Variants in RASA1 observed in about 807,000 individuals in gnomAD.
The protein encoded by RASA1 is RAS p21 protein activator 1, also known as ras GTPase-activating protein 1.
Under a neutral mutation model 132.2 loss-of-function variants are expected in RASA1, and 25 were observed. That is an observed-to-expected ratio of 0.19 (90% CI 0.14 to 0.26). The LOEUF is 0.26. Among genes scored for constraint, RASA1 ranks in the 10% least tolerant of loss-of-function variants. The pLI, the probability that RASA1 is intolerant of heterozygous loss-of-function variation, is 1.00. For synonymous variants in RASA1, 477 were observed against 449.9 expected (o/e 1.06, Z -0.76); for missense variants, 964 against 1,299.2 (o/e 0.74, Z 3.97).
chr5:87,320,654 C>G (rs535506500), intron 1 of RASA1, among the ~76,000 whole-genome samples: 1 of 152,290 alleles, frequency 6.6e-6, no homozygotes, highest in East Asian at 1.9e-4. Context: ...GATTCAATCA[C>G]CTACCACCAG....
intron 1 of RASA1, among the ~76,000 whole-genome samples, chr5:87,304,594 A>G (rs1365802413): frequency 2.6e-5 from 4 of 151,816 alleles, no homozygotes; most frequent in Non-Finnish European, 5.9e-5. Context: ...CAGCCTCCCA[A>G]GTGGCTGGGA....
At position 87,389,547 on chromosome 5, in the gene RASA1, C is replaced by G; in HGVS notation, c.3060+20C>G. 1 of 1,612,700 alleles carries G rather than the reference C, an allele frequency of 6.2e-7. No homozygotes were observed. The highest frequency in any genetic ancestry group is 1.1e-5 in the South Asian group (1 of 91,048). On this transcript the variant is annotated intron_variant, in intron 24 of 24. Coordinates refer to ENST00000274376, the MANE Select transcript of RASA1 (RefSeq NM_002890.3). ...CAGCAGGTAGGCTTTCGCCAGCCTT[C>G]ATTAACAATGATGTTTCAAAGATAA...
At chr5:87,330,501 T>G (rs1415738617) in intron 1 of RASA1, among the ~76,000 whole-genome samples, 1 of 152,162 alleles carries the variant, frequency 6.6e-6, no homozygotes, top group Non-Finnish European at 1.5e-5. Flanking sequence ...CTATCAAATG[T>G]AAAAATATTT....
Position 87,331,419 on chromosome 5 carries a change from A to G in RASA1, c.611A>G (p.Tyr204Cys). The G allele has an allele frequency of 1.2e-6, 2 of 1,613,840 alleles. No individual in the cohort carries two copies. The highest frequency in any genetic ancestry group is 1.7e-6 in the Non-Finnish European group (2 of 1,179,762). ...AGGCAGGCAGGGAAGTCTGGCAGTTATCTTATAAGAGAGAGTGATCGGAGG... is the reference window on the plus strand; with the variant it reads ...AGGCAGGCAGGGAAGTCTGGCAGTTGTCTTATAAGAGAGAGTGATCGGAGG... ...RLRQAGKSGS[Y>C]LIRESDRRPG... The change falls in exon 2 of 25, where the codon TAT becomes TGT. Residue 204 changes from tyrosine to cysteine, a missense_variant. Tyr to Cys is a radical substitution (Grantham distance 194). Transcript: ENST00000274376.
chr5:87,338,880 C>T (rs1256743608), intron 5 of RASA1, among the ~76,000 whole-genome samples: 1 of 151,916 alleles, frequency 6.6e-6, no homozygotes, highest in Non-Finnish European at 1.5e-5. Flanking sequence ...TTTTGAATCT[C>T]GTCCTTGTTT....
chr5:87,322,794 T>C (rs1234319675), intron 1 of RASA1, among the ~76,000 whole-genome samples: 1 of 152,154 alleles, frequency 6.6e-6, no homozygotes, highest in Non-Finnish European at 1.5e-5. Flanking sequence ...AAAATATAGA[T>C]ATATAAACAC....
chr5:87,313,081 T>TC (rs1232621760), intron 1 of RASA1, among the ~76,000 whole-genome samples: 2 of 152,194 alleles, frequency 1.3e-5, no homozygotes, highest in Non-Finnish European at 2.9e-5. Flanking sequence ...TCTTTGAGTG[T>TC]CAACAAGTTG....
At chr5:87,343,921 T>C (rs1484164301) in intron 6 of RASA1, among the ~76,000 whole-genome samples, 1 of 152,094 alleles carries the variant, frequency 6.6e-6, no homozygotes, top group Non-Finnish European at 1.5e-5. Context: ...CACAGCAACA[T>C]GAATGGAACT....
rs540696741 is a variant in RASA1 at position 87,328,815 on chromosome 5, G to A, written c.540-2533G>A. ...TGTTTTTGAGTAAACCCAAGGACTG[G>A]TGTTTAAAGGTTATATAGTATTTTA... is the stretch of plus-strand genomic sequence containing the variant. On this transcript the variant is annotated intron_variant, in intron 1 of 24. Coordinates refer to ENST00000274376, the MANE Select transcript of RASA1 (RefSeq NM_002890.3). 5.9e-5 allele frequency among the ~76,000 whole-genome samples: 9 copies of A among 152,226 alleles called. No individual in the cohort carries two copies. The South Asian group carries it at 1.9e-3, about 32-fold the overall frequency.
intron 1 of RASA1, among the ~76,000 whole-genome samples, chr5:87,290,162 C>T (rs1457753897): frequency 6.6e-6 from 1 of 151,998 alleles, no homozygotes; most frequent in African/African-American, 2.4e-5. Context: ...CATTTGTATT[C>T]CATTTTTACA....
intron 9 of RASA1, among the ~76,000 whole-genome samples, chr5:87,358,375 C>T (rs948859228): frequency 6.6e-6 from 1 of 152,220 alleles, no homozygotes; most frequent in Non-Finnish European, 1.5e-5. Flanking sequence ...GGTGACACTA[C>T]AATGATGCCT....
chr5:87,296,647 T>G (rs1278437882), intron 1 of RASA1, among the ~76,000 whole-genome samples: 1 of 152,144 alleles, frequency 6.6e-6, no homozygotes, highest in African/African-American at 2.4e-5. Flanking sequence ...CTCTCCTGTT[T>G]GCATTGTTTC....
intron 9 of RASA1, among the ~76,000 whole-genome samples, chr5:87,359,311 C>A (rs1023530203): frequency 6.6e-6 from 1 of 152,152 alleles, no homozygotes; most frequent in Admixed American, 6.5e-5. Context: ...CTGAATTTCC[C>A]TTGGGAGGAA....
chr5:87,269,108 A>T (rs1753707319), intron 1 of RASA1, 118 bp downstream of exon 1: 28 of 1,613,562 alleles, frequency 1.7e-5, no homozygotes, highest in Middle Eastern at 1.6e-4. Flanking sequence ...AAGTTTTTGA[A>T]GTTTCAGGTT....
intron 5 of RASA1, among the ~76,000 whole-genome samples, chr5:87,338,501 TTATATATATATA>T (rs3069490): frequency 9.3e-5 from 7 of 75,670 alleles, no homozygotes; most frequent in East Asian, 5.2e-4. Flanking sequence ...CCAGCTAATT[TTATATATATATA>T]TATATATATA....
At chr5:87,351,128 T>G (rs1248811034) in intron 8 of RASA1, among the ~76,000 whole-genome samples, 1 of 151,648 alleles carries the variant, frequency 6.6e-6, no homozygotes, top group Non-Finnish European at 1.5e-5. Context: ...AGTTATGTCT[T>G]TCATTTAGAA....
chr5:87,297,137 C>T (rs937427229), intron 1 of RASA1, among the ~76,000 whole-genome samples: 2 of 151,990 alleles, frequency 1.3e-5, no homozygotes, highest in Non-Finnish European at 2.9e-5. Context: ...TTAGAATTTC[C>T]GTTTCTCTGC....
chr5:87,295,054 T>G (rs1159670256), intron 1 of RASA1, among the ~76,000 whole-genome samples: 1 of 152,154 alleles, frequency 6.6e-6, no homozygotes, highest in Non-Finnish European at 1.5e-5. Flanking sequence ...GATCATTGGG[T>G]CTTCTTGAGG....
chr5:87,292,090 T>C (rs1399856334), intron 1 of RASA1, among the ~76,000 whole-genome samples: 3 of 152,236 alleles, frequency 2.0e-5, no homozygotes, highest in African/African-American at 7.2e-5. Context: ...ATGTGTCTTT[T>C]GAAAATATTT....
Sources: gnomAD v4.1 joint callset for allele counts (sites outside exome capture counted in the v4.1 genomes callset) on GRCh38, gnomAD v4.1.1 for gene constraint, MANE v1.5 for transcripts, NCBI Gene and HGNC (gene_info 2026-07-23, HGNC 2026-07-21) for gene names.